PIP5K1C: variants seen among roughly 807,000 people sequenced by gnomAD.
PIP5K1C encodes the protein phosphatidylinositol 4-phosphate 5-kinase type-1 gamma.
In PIP5K1C, 45 loss-of-function variants were observed where a neutral mutation model predicts 80.1. That is an observed-to-expected ratio of 0.56 (90% confidence interval 0.44 to 0.72). PIP5K1C has a LOEUF of 0.72. PIP5K1C is among the 30% of genes least tolerant of loss of function. The pLI, the probability that PIP5K1C is intolerant of heterozygous loss-of-function variation, is 0.00. For synonymous variants in PIP5K1C, 498 were observed against 420.1 expected, an observed-to-expected ratio of 1.19 and a Z score of -2.27; for missense variants, 753 against 954.6, an observed-to-expected ratio of 0.79 and a Z score of 2.78.
At position 3,647,344 on chromosome 19, in the gene PIP5K1C, G is replaced by A. The variant is rs374841796; in HGVS notation, c.1254C>T (p.His418=). The A allele has an allele frequency of 3.5e-5, 55 of 1,576,518 alleles. No homozygotes were observed. The African/African-American group carries it at 5.6e-4, about 16-fold the overall frequency. Residue 418 remains histidine (H), a synonymous_variant, in exon 10 of 18, where the codon CAC becomes CAT. Transcript: ENST00000335312. ...GGAGGGTGCAGGCGCTCACCCCATC[G>A]TGGACGAGGGCCTTCCAGGTGTGCT... is the stretch of plus-strand genomic sequence containing the variant. ...KLEHTWKALV[H]DGDTVSVHRP...
chr19:3,688,645 C>T lies in PIP5K1C; in HGVS notation c.94+11652G>A, dbSNP rs992297627. 1.3e-5 allele frequency among the ~76,000 whole-genome samples: 2 copies of T among 152,074 alleles called. No homozygotes were observed. The highest frequency in any genetic ancestry group is 1.3e-4 in the Admixed American group (2 of 15,264). Reference sequence around the variant, plus strand: ...CCCAGGCATTGTCCTCAGGTGGTTTCGTGTCCCTCAGGGCTAGAGACCCGG... The same window carrying T: ...CCCAGGCATTGTCCTCAGGTGGTTTTGTGTCCCTCAGGGCTAGAGACCCGG... On this transcript the variant is annotated intron_variant, in intron 1 of 17. Transcript: ENST00000335312. This position sits in a 1 kb window ranked among gnomAD's most constrained non-coding sequence, Gnocchi z 5.3.
intron 9 of PIP5K1C, 49 bp from the exon 10 acceptor site, chr19:3,647,435 C>T: frequency 1.3e-6 from 2 of 1,504,768 alleles, no homozygotes; most frequent in African/African-American, 1.4e-5. Flanking sequence ...CAAGCCCATG[C>T]CAGGCCACCT....
intron 15 of PIP5K1C, among the ~76,000 whole-genome samples, 172 bp from the exon 16 acceptor site, chr19:3,639,188 C>T (rs1270534641): frequency 1.3e-5 from 2 of 152,214 alleles, no homozygotes; most frequent in Admixed American, 1.3e-4. Flanking sequence ...CAAATCAGAA[C>T]AAACCTCCCC....
At chr19:3,663,776 G>C (rs2034915714) in intron 3 of PIP5K1C, among the ~76,000 whole-genome samples, 1 of 152,246 alleles carries the variant, frequency 6.6e-6, no homozygotes, top group Non-Finnish European at 1.5e-5. Flanking sequence ...CACTGTTGCT[G>C]GGTGTGAAAA....
At chr19:3,655,115 A>T (rs1306492940) in intron 6 of PIP5K1C, among the ~76,000 whole-genome samples, 12 of 147,906 alleles carry the variant, frequency 8.1e-5, no homozygotes, top group East Asian at 4.0e-4. Flanking sequence ...CTCAAAAAAA[A>T]AAAAAAAAAA....
At chr19:3,672,331 C>T (rs1398710861) in intron 1 of PIP5K1C, among the ~76,000 whole-genome samples, 2 of 152,252 alleles carry the variant, frequency 1.3e-5, no homozygotes, top group African/African-American at 4.8e-5. Context: ...CCCACACCAG[C>T]CACCTTTGCC....
chr19:3,692,523 C>T lies in PIP5K1C; in HGVS notation c.94+7774G>A, dbSNP rs1311572733. On this transcript the variant is annotated intron_variant, in intron 1 of 17. Transcript: ENST00000335312. This position sits in a 1 kb window ranked among gnomAD's most constrained non-coding sequence, Gnocchi z 5.2. ...CCCCACACTCAACCTTCAAAAGGTC[C>T]TGCTGGCTCTGCTTCCAAAATCCAT... is the stretch of plus-strand genomic sequence containing the variant. Among the ~76,000 whole-genome samples the T allele has an allele frequency of 6.6e-6, 1 of 152,168 alleles. No individual in the cohort carries two copies.
intron 16 of PIP5K1C, among the ~76,000 whole-genome samples, chr19:3,638,407 T>G (rs78173397): frequency 0.078 from 11,829 of 152,170 alleles, 511 homozygotes; most frequent in Non-Finnish European, 0.097. Context: ...TCCTCAAGGA[T>G]AAGCCCACCT....
At chr19:3,679,710 T>C (rs1412133015) in intron 1 of PIP5K1C, among the ~76,000 whole-genome samples, 2 of 151,882 alleles carry the variant, frequency 1.3e-5, no homozygotes, top group African/African-American at 2.4e-5. Flanking sequence ...ACACAGTGAG[T>C]TGGCTACCAA....
At chr19:3,678,655 G>A (rs995869331) in intron 1 of PIP5K1C, among the ~76,000 whole-genome samples, 4 of 133,078 alleles carry the variant, frequency 3.0e-5, no homozygotes, top group South Asian at 2.8e-4. Flanking sequence ...GAGATGGAGA[G>A]ATGGCGAGAT....
At chr19:3,689,213 A>T (rs143065193) in intron 1 of PIP5K1C, among the ~76,000 whole-genome samples, 1 of 152,128 alleles carries the variant, frequency 6.6e-6, no homozygotes, top group African/African-American at 2.4e-5. Context: ...GCCTTGAAAT[A>T]AAAACGAACA....
At chr19:3,664,773 C>T in intron 3 of PIP5K1C, 49 bp downstream of exon 3, 2 of 1,446,358 alleles carry the variant, frequency 1.4e-6, no homozygotes, top group Non-Finnish European at 1.9e-6. Flanking sequence ...ATCCCCCTCC[C>T]CTCTGCTCTG....
At chr19:3,641,247 A>T (rs770191753) in intron 15 of PIP5K1C, among the ~76,000 whole-genome samples, 58 of 152,082 alleles carry the variant, frequency 3.8e-4, no homozygotes, top group South Asian at 6.2e-4. Flanking sequence ...AAAATAAAAT[A>T]AAATTAAATT....
intron 8 of PIP5K1C, among the ~76,000 whole-genome samples, chr19:3,650,910 C>T (rs1161131598): frequency 5.9e-5 from 9 of 152,174 alleles, no homozygotes; most frequent in African/African-American, 1.2e-4. Context: ...GCGTGCACCA[C>T]CACGCCCAGC....
intron 1 of PIP5K1C, among the ~76,000 whole-genome samples, chr19:3,698,355 G>A (rs905188716): frequency 4.6e-5 from 7 of 152,258 alleles, no homozygotes; most frequent in South Asian, 2.1e-4. Context: ...CACCTGAAGC[G>A]CGGAGCTGGG....
Position 3,641,735 on chromosome 19 carries a change from TC to T in PIP5K1C, c.1756del (p.Glu586ArgfsTer25). ...GTCCTCCTCTTTGGGGACCACAATC[TC>T]CACGCTGCACGCAGGCTCCACCTGC... ...TVQVEPACSV[E>X]IVVPKEEDAG... On this transcript the variant is annotated frameshift_variant, in exon 15 of 18. Coordinates refer to ENST00000335312, the MANE Select transcript of PIP5K1C (RefSeq NM_012398.3). LOFTEE classifies it high-confidence loss of function. 6.2e-7 allele frequency: 1 copy of T among 1,610,498 alleles called. No individual in the cohort carries two copies.
chr19:3,690,625 T>C (rs574234564), intron 1 of PIP5K1C, among the ~76,000 whole-genome samples: 6 of 152,212 alleles, frequency 3.9e-5, no homozygotes, highest in African/African-American at 1.2e-4. Flanking sequence ...GAAAGAGTGA[T>C]AAGTTTGACC....
At position 3,651,894 on chromosome 19, in the gene PIP5K1C, G is replaced by A. The variant is rs371972710; in HGVS notation, c.1059C>T (p.Leu353=). 1.1e-5 allele frequency: 17 copies of A among 1,612,708 alleles called. No homozygotes were observed. Among genetic ancestry groups the A allele is most frequent in the East Asian group, 8.9e-5 (4 of 44,892 alleles). ...DEKRPVGQKA[L]YSTAMESIQG... Reference sequence around the variant, plus strand: ...GGATGGACTCCATGGCCGTGGAGTAGAGCGCCTTCTGGCCCACAGGCCGCT... The same window carrying A: ...GGATGGACTCCATGGCCGTGGAGTAAAGCGCCTTCTGGCCCACAGGCCGCT... The change falls in exon 8 of 18, where the codon CTC becomes CTT. Residue 353 remains leucine, a synonymous_variant. Coordinates refer to ENST00000335312, the MANE Select transcript of PIP5K1C (RefSeq NM_012398.3).
Position 3,651,914 on chromosome 19 carries a change from G to A in PIP5K1C, c.1039C>T (p.Pro347Ser). 9 of 1,612,874 alleles carry A rather than the reference G, an allele frequency of 5.6e-6. No homozygotes were observed. Among genetic ancestry groups the A allele is most frequent in the Non-Finnish European group, 7.6e-6 (9 of 1,179,944 alleles). The change falls in exon 8 of 18, where the codon CCT becomes TCT. Residue 347 changes from proline (P) to serine (S), a missense_variant. By Grantham distance (74) the Pro-to-Ser change is moderately conservative. Transcript: ENST00000335312. ...GAQSTSDEKRPVGQKALYSTA... is the reference protein window; with the variant it reads ...GAQSTSDEKRSVGQKALYSTA... ...GAGTAGAGCGCCTTCTGGCCCACAG[G>A]CCGCTTCTCATCTGAGGTGCTCTGG...
Sources: gnomAD v4.1 joint callset for allele counts (sites outside exome capture counted in the v4.1 genomes callset) on GRCh38, gnomAD v4.1.1 for gene constraint, Gnocchi (gnomAD v3.1) non-coding constraint, MANE v1.5 for transcripts, NCBI Gene and HGNC (gene_info 2026-07-23, HGNC 2026-07-21) for gene names.